Variants in MSANTD7 observed in about 807,000 individuals in gnomAD.
MSANTD7 encodes the protein Myb/SANT DNA binding domain containing 7.
chr10:14,843,723 G>C, the MSANTD7 span: 2 of 1,537,812 alleles, frequency 1.3e-6, no homozygotes, highest in Non-Finnish European at 8.7e-7. Flanking sequence ...TGGACAGGCT[G>C]ATTGCTATTG....
the MSANTD7 span, chr10:14,843,921 C>G: frequency 6.5e-7 from 1 of 1,534,724 alleles, no homozygotes; most frequent in Non-Finnish European, 8.7e-7. Context: ...GCTCTGCTTC[C>G]TAAACTGGTA....
At chr10:14,838,703 G>C in the MSANTD7 span, 1 of 475,052 alleles carries the variant, frequency 2.1e-6, no homozygotes, top group Non-Finnish European at 3.7e-6. Context: ...GTCCCAGGGC[G>C]TCATGGCGGC....
the MSANTD7 span, chr10:14,843,702 G>A: frequency 7.2e-5 from 111 of 1,540,586 alleles, no homozygotes; most frequent in Admixed American, 2.0e-4. Flanking sequence ...CAAAGCGGGA[G>A]GAAGAAAAAC....
chr10:14,845,205 A>G, the MSANTD7 span: 14 of 985,408 alleles, frequency 1.4e-5, no homozygotes, highest in Non-Finnish European at 1.7e-5. Flanking sequence ...ACTCTCTGTC[A>G]TTAAACTAAC....
the MSANTD7 span, chr10:14,840,108 A>G: frequency 2.0e-6 from 3 of 1,474,090 alleles, no homozygotes; most frequent in African/African-American, 4.2e-5. Flanking sequence ...AAGTAGAATA[A>G]GAAATATTTC....
the MSANTD7 span, chr10:14,838,702 C>A: frequency 4.2e-6 from 2 of 472,130 alleles, no homozygotes; most frequent in African/African-American, 2.1e-5. Context: ...GGTCCCAGGG[C>A]GTCATGGCGG....
chr10:14,846,113 C>G, the MSANTD7 span: 1 of 982,238 alleles, frequency 1.0e-6, no homozygotes, highest in Non-Finnish European at 1.2e-6. Flanking sequence ...CCACACCAGA[C>G]ATATAGACTC....
At chr10:14,838,599 C>G in the MSANTD7 span, 1 of 816,676 alleles carries the variant, frequency 1.2e-6, no homozygotes. Context: ...CACTCCGGAG[C>G]GAAGGGCCGG....
chr10:14,845,598 A>AT, the MSANTD7 span: 53,579 of 669,642 alleles, frequency 0.08, 5 homozygotes, highest in Middle Eastern at 0.089. Context: ...TATTATTATT[A>AT]TTTTTTTTTT....
the MSANTD7 span, chr10:14,843,554 G>C: frequency 6.4e-7 from 1 of 1,550,674 alleles, no homozygotes; most frequent in Non-Finnish European, 8.7e-7. Flanking sequence ...TCCTCTTCGA[G>C]AGCTGGTTTT....
chr10:14,846,957 C>T, the MSANTD7 span: 1 of 985,284 alleles, frequency 1.0e-6, no homozygotes, highest in Non-Finnish European at 1.2e-6. Flanking sequence ...TTTTTCTGTT[C>T]GGTAATCCTG....
At chr10:14,846,742 C>G in the MSANTD7 span, 1 of 985,234 alleles carries the variant, frequency 1.0e-6, no homozygotes, top group Non-Finnish European at 1.2e-6. Context: ...TGTCATGTAA[C>G]AAGTAGGGGA....
the MSANTD7 span, chr10:14,844,356 G>T: frequency 9.7e-7 from 1 of 1,025,936 alleles, no homozygotes; most frequent in Non-Finnish European, 1.2e-6. Flanking sequence ...AAGGCAGATT[G>T]GTTTACAAGA....
chr10:14,839,909 G>T, the MSANTD7 span: 2 of 1,612,282 alleles, frequency 1.2e-6, no homozygotes, highest in South Asian at 2.2e-5. Flanking sequence ...CTCTAGGATG[G>T]CCGGGCTGGT....
At chr10:14,843,617 G>C in the MSANTD7 span, 16 of 1,550,562 alleles carry the variant, frequency 1.0e-5, no homozygotes, top group Admixed American at 2.9e-4. Flanking sequence ...AGGTGGGCAA[G>C]GCGAAGAAGG....
the MSANTD7 span, chr10:14,844,230 T>G: frequency 9.1e-7 from 1 of 1,096,208 alleles, no homozygotes; most frequent in South Asian, 1.9e-5. Flanking sequence ...ACTCCTGCCC[T>G]GCCTACCTCA....
At chr10:14,842,311 C>T in the MSANTD7 span, 1 of 1,535,950 alleles carries the variant, frequency 6.5e-7, no homozygotes, top group South Asian at 1.2e-5. This position sits in a 1 kb window ranked among gnomAD's most constrained non-coding sequence, Gnocchi z 5.2. Context: ...GCAGTGCGGG[C>T]ATCCGGTGGT....
At chr10:14,842,054 C>A in the MSANTD7 span, 1 of 1,038,584 alleles carries the variant, frequency 9.6e-7, no homozygotes, top group Non-Finnish European at 1.4e-6. The surrounding 1 kb of genome is among the most constrained non-coding windows in gnomAD (Gnocchi z 5.2). Flanking sequence ...ATGACCTACT[C>A]ACAGGTAGCA....
chr10:14,843,902 T>C, the MSANTD7 span: 3 of 1,536,098 alleles, frequency 2.0e-6, no homozygotes, highest in East Asian at 2.4e-5. Flanking sequence ...TAGGAACCAA[T>C]TACAAAAGGC....
Sources: allele counts gnomAD v4.1 joint callset, GRCh38; gene constraint gnomAD v4.1.1; non-coding constraint Gnocchi (gnomAD v3.1); transcripts MANE v1.5; gene names NCBI Gene and HGNC (gene_info 2026-07-23, HGNC 2026-07-21).